Variants in CHML observed in about 807,000 individuals in gnomAD.
CHML encodes the protein rab proteins geranylgeranyltransferase component A 2.
CHML carries 20 observed loss-of-function variants against 30.4 expected under a neutral mutation model. The ratio of observed to expected loss-of-function variants is 0.66; its 90% CI spans 0.46 to 0.95. The LOEUF (loss-of-function observed/expected upper bound fraction) is 0.95, where lower values mean the gene tolerates loss of function less well. Ranked by LOEUF, CHML falls within the 40% of genes least tolerant of loss-of-function variation. The pLI, the probability that CHML is intolerant of heterozygous loss-of-function variation, is 0.00. For missense variants in CHML, 795 were observed against 768.5 expected, an observed-to-expected ratio of 1.03 and a Z score of -0.41; for synonymous variants, 281 against 275.0, an observed-to-expected ratio of 1.02 and a Z score of -0.22.
rs1664534489 is a variant in CHML, at chr1:241,629,517, T to C, written c.*4279A>G. 6.6e-6 allele frequency: 1 copy of C among 152,146 alleles called. No individual in the cohort carries two copies. Among genetic ancestry groups the C allele is most frequent in the African/African-American group, 2.4e-5 (1 of 41,454 alleles). 9.4% of individuals were successfully genotyped at this position (152,146 alleles called of 1,614,324 possible). ...GTACAAACCCTTATGGATATGCATA[T>C]AGTTTTACAAAAACTGAGTGCATCC... On this transcript the variant is annotated 3_prime_UTR_variant, in exon 2 of 2. Coordinates refer to ENST00000366553, the MANE Select transcript of CHML (RefSeq NM_001381853.1).
Position 241,634,834 on chromosome 1 carries a change from A to G in CHML, c.933T>C (p.Pro311=). The G allele has an allele frequency of 6.2e-7, 1 of 1,612,886 alleles. No homozygotes were observed. Among genetic ancestry groups the G allele is most frequent in the Non-Finnish European group, 8.5e-7 (1 of 1,179,514 alleles). ...ACTGCCTGAAAGCTTGGTATTCATC[A>G]GGATGTTGTTCATACTCTAAACAAA... ...LTFCLEYEQH[P]DEYQAFRQCS... is the part of the protein sequence containing the mutation. The change falls in exon 2 of 2, where the codon CCT becomes CCC. Residue 311 remains proline (P), a synonymous_variant. Coordinates refer to ENST00000366553, the MANE Select transcript of CHML (RefSeq NM_001381853.1).
chr1:241,630,010 G>C lies in CHML; in HGVS notation c.*3786C>G, dbSNP rs1000585332. On this transcript the variant is annotated 3_prime_UTR_variant, in exon 2 of 2. Coordinates refer to ENST00000366553, the MANE Select transcript of CHML (RefSeq NM_001381853.1). ...CCATATTCCACACAGCAACCAGTTG[G>C]AATGTTAAATGGAACTGTAGTAAAT... The C allele has an allele frequency of 1.3e-5, 2 of 151,998 alleles. No homozygotes were observed. Among genetic ancestry groups the C allele is most frequent in the Non-Finnish European group, 2.9e-5 (2 of 67,906 alleles). 9.4% of individuals were successfully genotyped at this position (151,998 alleles called of 1,614,324 possible).
At position 241,635,958 on chromosome 1, in the gene CHML, G is replaced by C; in HGVS notation, c.-192C>G. 1.7e-6 allele frequency: 1 copy of C among 580,064 alleles called. No individual in the cohort carries two copies. The highest frequency in any genetic ancestry group is 3.1e-6 in the Non-Finnish European group (1 of 326,316). The allele number at this position is 580,064 out of a possible 1,614,324, so 35.9% of individuals were successfully genotyped here. A position where few individuals can be genotyped will look rare whatever the true frequency, so the allele number is the denominator to read the frequency against. ...GTCAGTAGCATAAAAACATGAGCAA[G>C]TACATCTAATCACATCTGAGAATAC... On this transcript the variant is annotated 5_prime_UTR_variant, in exon 2 of 2. An upstream open reading frame in the 5' UTR gains an earlier in-frame stop. Transcript: ENST00000366553.
intron 1 of CHML, among the ~76,000 whole-genome samples, chr1:241,638,574 C>T (rs978672894): frequency 6.6e-6 from 1 of 152,116 alleles, no homozygotes; most frequent in African/African-American, 2.4e-5. Context: ...AGGTATTTTA[C>T]AATTAATATA....
chr1:241,634,258 C>T lies in CHML; in HGVS notation c.1509G>A (p.Lys503=), dbSNP rs1664776623. 1 of 1,613,884 alleles carries T rather than the reference C, an allele frequency of 6.2e-7. No individual in the cohort carries two copies. The highest frequency in any genetic ancestry group is 8.5e-7 in the Non-Finnish European group (1 of 1,179,894). Residue 503 remains lysine (K), a synonymous_variant, in exon 2 of 2, where the codon AAG becomes AAA. Transcript: ENST00000366553. ...ELCSSTMTCM[K]DTYLVHLTCS... ...ATGTCAAATGTACCAGATAGGTGTC[C>T]TTCATGCATGTCATGGTTGAAGAAC...
At position 241,632,866 on chromosome 1, in the gene CHML, C is replaced by T. The variant is rs1005274866; in HGVS notation, c.*930G>A. ...ATCTGTAATCTCAGGTTAAAAAGGC[C>T]TCACTCTGTTTCTCCTTAGGAATTC... is the stretch of plus-strand genomic sequence containing the variant. On this transcript the variant is annotated 3_prime_UTR_variant, in exon 2 of 2. Coordinates refer to ENST00000366553, the MANE Select transcript of CHML (RefSeq NM_001381853.1). The T allele has an allele frequency of 1.3e-5, 2 of 152,008 alleles. No homozygotes were observed. Among genetic ancestry groups the T allele is most frequent in the African/African-American group, 4.8e-5 (2 of 41,378 alleles). The allele number at this position is 152,008 out of a possible 1,614,324, so 9.4% of individuals were successfully genotyped here.
At chr1:241,637,368 A>T (rs1664937898) in intron 1 of CHML, among the ~76,000 whole-genome samples, 1 of 152,234 alleles carries the variant, frequency 6.6e-6, no homozygotes, top group African/African-American at 2.4e-5. Flanking sequence ...TCTCAAAAAT[A>T]TCAAGGATTC....
rs188265592 is a variant in CHML, at chr1:241,631,004, G to C, written c.*2792C>G. 6.6e-6 allele frequency: 1 copy of C among 152,138 alleles called. No homozygotes were observed. The highest frequency in any genetic ancestry group is 1.9e-4 in the East Asian group (1 of 5,182). 9.4% of individuals were successfully genotyped at this position (152,138 alleles called of 1,614,324 possible). A position where few individuals can be genotyped will look rare whatever the true frequency, so the allele number is the denominator to read the frequency against. On this transcript the variant is annotated 3_prime_UTR_variant, in exon 2 of 2. Coordinates refer to ENST00000366553, the MANE Select transcript of CHML (RefSeq NM_001381853.1). ...AAATGTCTTTTAGTACTGAGAACAT[G>C]TCTGCCTCAAAAGACAATTTGAAGC...
chr1:241,632,751 TATTA>T lies in CHML; in HGVS notation c.*1041_*1044del, dbSNP rs1362194158. The stretch of plus-strand genomic sequence containing the variant: ...ATTCCTATCAGTTATGTTATAGTGA[TATTA>T]ATTAAAGTGGTAGAGCCAACAAGGT... On this transcript the variant is annotated 3_prime_UTR_variant, in exon 2 of 2. Transcript: ENST00000366553. 1 of 152,152 alleles carries T rather than the reference TATTA, an allele frequency of 6.6e-6. No individual in the cohort carries two copies. The highest frequency in any genetic ancestry group is 1.5e-5 in the Non-Finnish European group (1 of 68,010). The allele number at this position is 152,152 out of a possible 1,614,324, so 9.4% of individuals were successfully genotyped here.
intron 1 of CHML, 51 bp downstream of exon 1, chr1:241,639,831 G>C: frequency 6.3e-6 from 9 of 1,417,490 alleles, no homozygotes; most frequent in Non-Finnish European, 8.3e-6. Context: ...GCAGCGGGGT[G>C]GGGAGTGGAA....
Position 241,635,270 on chromosome 1 carries a change from G to C in CHML, c.497C>G (p.Ser166Ter), listed in dbSNP as rs1198784222. 1 of 1,613,866 alleles carries C rather than the reference G, an allele frequency of 6.2e-7. No individual in the cohort carries two copies. Among genetic ancestry groups the C allele is most frequent in the East Asian group, 2.2e-5 (1 of 44,876 alleles). The change falls in exon 2 of 2, where the codon TCA (serine) becomes TGA (stop). Residue 166 changes from serine to a stop codon, truncating the protein, a stop_gained. Coordinates refer to ENST00000366553, the MANE Select transcript of CHML (RefSeq NM_001381853.1). LOFTEE classifies it high-confidence loss of function. ...KHTQKSDTEI[S>*]LEVTDVEESV... ...TTCCTCTACATCAGTTACTTCTAGT[G>C]AAATCTCTGTATCACTTTTCTGAGT...
rs939838166 is a variant in CHML at position 241,640,355 on chromosome 1, T to A, written c.-781A>T. Reference sequence around the variant, plus strand: ...GGGGTTGGGGCTCCGCCGCCTGCTCTAGCCATTGTGCACTGAGGGGCCCGC... The same window carrying A: ...GGGGTTGGGGCTCCGCCGCCTGCTCAAGCCATTGTGCACTGAGGGGCCCGC... On this transcript the variant is annotated 5_prime_UTR_variant, in exon 1 of 2. It introduces an in-frame stop codon into an upstream open reading frame of the 5' UTR. Transcript: ENST00000366553. The A allele has an allele frequency of 4.7e-6, 5 of 1,055,552 alleles. No individual in the cohort carries two copies. The African/African-American group carries it at 6.8e-5, about 14-fold the overall frequency. 65.4% of individuals were successfully genotyped at this position (1,055,552 alleles called of 1,614,324 possible).
Position 241,633,621 on chromosome 1 carries a change from T to C in CHML, c.*175A>G, listed in dbSNP as rs1050994782. ...TGTTCAATAATCAATAAATCACTCA[T>C]TGATAGGTTAACAAAGATATTCAAT... On this transcript the variant is annotated 3_prime_UTR_variant, in exon 2 of 2. Transcript: ENST00000366553. 9 of 684,596 alleles carry C rather than the reference T, an allele frequency of 1.3e-5. No homozygotes were observed. The highest frequency in any genetic ancestry group is 3.0e-5 in the Admixed American group (1 of 32,846). 42.4% of individuals were successfully genotyped at this position (684,596 alleles called of 1,614,324 possible).
chr1:241,635,624 G>T lies in CHML; in HGVS notation c.143C>A (p.Ala48Asp). 2 of 1,614,082 alleles carry T rather than the reference G, an allele frequency of 1.2e-6. No homozygotes were observed. Among genetic ancestry groups the T allele is most frequent in the Non-Finnish European group, 1.7e-6 (2 of 1,179,934 alleles). Reference sequence around the variant, plus strand: ...TAGCAATCCTGAAAAGCTGAAACTAGCCCAGTTTCCTCCATAGTAGCTTCT... The same window carrying T: ...TAGCAATCCTGAAAAGCTGAAACTATCCCAGTTTCCTCCATAGTAGCTTCT... ...DSRSYYGGNW[A>D]SFSFSGLLSW... The change falls in exon 2 of 2, where the codon GCT (alanine) becomes GAT (aspartate). Residue 48 changes from alanine to aspartate, a missense_variant. By Grantham distance (126) the Ala-to-Asp change is moderately radical (BLOSUM62 -2). Coordinates refer to ENST00000366553, the MANE Select transcript of CHML (RefSeq NM_001381853.1).
In CHML at chr1:241,640,311, G is replaced by A. The variant is rs1274936063; in HGVS notation, c.-737C>T. The A allele has an allele frequency of 1.8e-6, 2 of 1,100,546 alleles. No individual in the cohort carries two copies. Among genetic ancestry groups the A allele is most frequent in the Non-Finnish European group, 2.2e-6 (2 of 907,898 alleles). The allele number at this position is 1,100,546 out of a possible 1,614,324, so 68.2% of individuals were successfully genotyped here. On this transcript the variant is annotated 5_prime_UTR_variant, in exon 1 of 2. Coordinates refer to ENST00000366553, the MANE Select transcript of CHML (RefSeq NM_001381853.1). Reference sequence around the variant, plus strand: ...GCGCTCAGCTTGCGGCGGGGCTCGCGGCGCGCTCCGCACTGGGTGGGGTTG... The same window carrying A: ...GCGCTCAGCTTGCGGCGGGGCTCGCAGCGCGCTCCGCACTGGGTGGGGTTG...
rs1175814456 is a variant in CHML, at chr1:241,629,057, A to T, written c.*4739T>A. 1.3e-5 allele frequency: 2 copies of T among 152,596 alleles called. No homozygotes were observed. The highest frequency in any genetic ancestry group is 2.9e-5 in the Non-Finnish European group (2 of 68,018). The allele number at this position is 152,596 out of a possible 1,614,324, so 9.5% of individuals were successfully genotyped here. A position where few individuals can be genotyped will look rare whatever the true frequency, so the allele number is the denominator to read the frequency against. On this transcript the variant is annotated 3_prime_UTR_variant, in exon 2 of 2. Coordinates refer to ENST00000366553, the MANE Select transcript of CHML (RefSeq NM_001381853.1). ...TTTGAATCTCACTTTTTTGCATACAATTTGACATATATCAATATTATTGAA... is the reference window on the plus strand; with the variant it reads ...TTTGAATCTCACTTTTTTGCATACATTTTGACATATATCAATATTATTGAA...
At position 241,635,365 on chromosome 1, in the gene CHML, A is replaced by C. The variant is rs1025162960; in HGVS notation, c.402T>G (p.Val134=). 5.0e-6 allele frequency: 8 copies of C among 1,613,970 alleles called. No individual in the cohort carries two copies. In the African/African-American group the frequency reaches 1.1e-4, roughly 22 times the overall value. The change falls in exon 2 of 2, where the codon GTT becomes GTG. Residue 134 remains valine, a synonymous_variant. Transcript: ENST00000366553. ...SLGVSNTFTE[V]LDSALPEESQ... ...TTTCTTCAGGTAATGCAGAATCCAGAACTTCAGTGAAGGTATTAGACACCC... is the reference window on the plus strand; with the variant it reads ...TTTCTTCAGGTAATGCAGAATCCAGCACTTCAGTGAAGGTATTAGACACCC...
chr1:241,635,460 A>G lies in CHML; in HGVS notation c.307T>C (p.Cys103Arg), dbSNP rs1040909304. ...DETIQHTEAF[C>R]YASQDMEDNV... ...TCCTCCATATCCTGACTGGCGTAGC[A>G]AAAAGCTTCTGTGTGTTGAATAGTT... The change falls in exon 2 of 2, where the codon TGC becomes CGC. Residue 103 changes from cysteine (C) to arginine (R), a missense_variant. Coordinates refer to ENST00000366553, the MANE Select transcript of CHML (RefSeq NM_001381853.1). 20 of 1,613,754 alleles carry G rather than the reference A, an allele frequency of 1.2e-5. No individual in the cohort carries two copies. Among genetic ancestry groups the G allele is most frequent in the Non-Finnish European group, 1.7e-5 (20 of 1,179,956 alleles).
At chr1:241,637,223 C>A (rs1462312044) in intron 1 of CHML, among the ~76,000 whole-genome samples, 1 of 152,170 alleles carries the variant, frequency 6.6e-6, no homozygotes, top group Non-Finnish European at 1.5e-5. Flanking sequence ...ACCTGTCTAG[C>A]CCAAGATGAC....
Sources: gnomAD v4.1 joint callset for allele counts (sites outside exome capture counted in the v4.1 genomes callset) on GRCh38, gnomAD v4.1.1 for gene constraint, MANE v1.5 for transcripts, NCBI Gene and HGNC (gene_info 2026-07-23, HGNC 2026-07-21) for gene names.